PADI4: variants seen among roughly 807,000 people sequenced by gnomAD.
PADI4 encodes protein-arginine deiminase type-4.
A neutral mutation model predicts 75.0 loss-of-function variants in PADI4; 62 were observed. That is an observed-to-expected ratio of 0.83 (90% confidence interval 0.67 to 1.02). PADI4 has a LOEUF of 1.02. PADI4 is among the 50% of genes least tolerant of loss of function. PADI4 has a pLI of 0.00. For synonymous variants in PADI4, 361 were observed against 348.1 expected, an observed-to-expected ratio of 1.04 and a Z score of -0.41; for missense variants, 845 against 850.5, an observed-to-expected ratio of 0.99 and a Z score of 0.08.
rs1263485624 is a variant in PADI4, at chr1:17,308,463, C to T, written c.92+149C>T. On this transcript the variant is annotated intron_variant, in intron 1 of 15. Transcript: ENST00000375448. ...GGGGAGTAGCTGGAGAGAGAAGACC[C>T]CAGCAGCCCTGGGAAGTGCCAGTCT... The T allele has an allele frequency of 6.1e-6, 4 of 651,914 alleles. No homozygotes were observed. In the East Asian group the frequency reaches 1.1e-4, roughly 18 times the overall value. The allele number at this position is 651,914 out of a possible 1,614,324, so 40.4% of individuals were successfully genotyped here.
intron 1 of PADI4, among the ~76,000 whole-genome samples, chr1:17,316,792 C>T (rs1275505570): frequency 6.6e-6 from 1 of 152,038 alleles, no homozygotes; most frequent in Non-Finnish European, 1.5e-5. Flanking sequence ...ACCCGTCTCC[C>T]CTGCCCCGCG....
At chr1:17,336,107 G>T in intron 3 of PADI4, 52 bp from the exon 4 acceptor site, 1 of 1,311,772 alleles carries the variant, frequency 7.6e-7, no homozygotes, top group Non-Finnish European at 1.1e-6. Context: ...CAGGCTGGGT[G>T]CCCCAACCCC....
chr1:17,329,540 T>C (rs1405866729), intron 1 of PADI4, among the ~76,000 whole-genome samples: 1 of 152,076 alleles, frequency 6.6e-6, no homozygotes, highest in Non-Finnish European at 1.5e-5. Context: ...GTTCATTAAG[T>C]GGAAGTGGAT....
At chr1:17,357,940 A>C (rs2074787951) in intron 13 of PADI4, among the ~76,000 whole-genome samples, 1 of 93,464 alleles carries the variant, frequency 1.1e-5, no homozygotes, top group South Asian at 3.1e-4. Context: ...CAAAAAAAAA[A>C]AAAAAAACAA....
At chr1:17,326,775 ATTACT>A (rs1462218854) in intron 1 of PADI4, among the ~76,000 whole-genome samples, 1 of 152,106 alleles carries the variant, frequency 6.6e-6, no homozygotes, top group Admixed American at 6.6e-5. Flanking sequence ...AATCTGTATC[ATTACT>A]TAATTTTTAT....
Position 17,363,851 on chromosome 1 carries a change from T to A in PADI4, c.*96T>A. The A allele has an allele frequency of 1.2e-6, 1 of 834,750 alleles. No homozygotes were observed. The highest frequency in any genetic ancestry group is 1.9e-6 in the Non-Finnish European group (1 of 517,612). The allele number at this position is 834,750 out of a possible 1,614,324, so 51.7% of individuals were successfully genotyped here. ...AGCTCTTGTGAATATTGTGGCTCCC[T>A]GGGGGCGGCCAGCCCTCCCAGCAGT... is the stretch of plus-strand genomic sequence containing the variant. On this transcript the variant is annotated 3_prime_UTR_variant, in exon 16 of 16. Transcript: ENST00000375448.
chr1:17,349,231 T>C (rs926133506), intron 10 of PADI4, among the ~76,000 whole-genome samples: 2 of 152,236 alleles, frequency 1.3e-5, no homozygotes, highest in African/African-American at 4.8e-5. Context: ...GTTCAGTGGC[T>C]GTGTCTACTT....
intron 13 of PADI4, among the ~76,000 whole-genome samples, chr1:17,357,261 G>A (rs369453351): frequency 1.2e-4 from 18 of 152,174 alleles, no homozygotes; most frequent in South Asian, 8.3e-4. Flanking sequence ...TCTGCATCCC[G>A]GGTTCAAGTG....
intron 4 of PADI4, 72 bp downstream of exon 4, chr1:17,336,298 G>T: frequency 9.4e-7 from 1 of 1,059,452 alleles, no homozygotes; most frequent in East Asian, 2.4e-5. Context: ...TGGTGATGGG[G>T]CAAATGCTGG....
chr1:17,312,894 TTTA>T (rs2073863457), intron 1 of PADI4, among the ~76,000 whole-genome samples: 1 of 151,406 alleles, frequency 6.6e-6, no homozygotes, highest in African/African-American at 2.4e-5. Context: ...AGCTATCTTA[TTTA>T]GAAACAAAAT....
intron 1 of PADI4, among the ~76,000 whole-genome samples, chr1:17,317,768 C>A (rs900716191): frequency 2.0e-5 from 3 of 152,136 alleles, no homozygotes; most frequent in African/African-American, 7.2e-5. Context: ...CGCCTGTAAT[C>A]CCAGCACTTT....
intron 2 of PADI4, among the ~76,000 whole-genome samples, chr1:17,332,520 G>A (rs970280627): frequency 2.0e-5 from 3 of 152,166 alleles, no homozygotes; most frequent in African/African-American, 7.2e-5. Context: ...AAAGTGCTGG[G>A]ATTACAGGCA....
Position 17,336,226 on chromosome 1 carries a change from G to T in PADI4, c.408G>T (p.Gln136His). ...AGCCAACCAGAGCTGTGAAAGATCA[G>T]GTACCACTCACCCAAACGCTCCTTT... is the stretch of plus-strand genomic sequence containing the variant. ...KVKPTRAVKDQRTWTWGPCGQ... is the reference protein window; with the variant it reads ...KVKPTRAVKDHRTWTWGPCGQ... The change falls in exon 4 of 16, where the codon CAG (glutamine) becomes CAT (histidine). Residue 136 changes from glutamine to histidine, a missense_variant and splice_region_variant. By Grantham distance (24) the Gln-to-His change is conservative. Transcript: ENST00000375448. 1 of 1,612,868 alleles carries T rather than the reference G, an allele frequency of 6.2e-7. No individual in the cohort carries two copies. Among genetic ancestry groups the T allele is most frequent in the Non-Finnish European group, 8.5e-7 (1 of 1,178,860 alleles).
At chr1:17,351,901 A>C (rs951180944) in intron 10 of PADI4, among the ~76,000 whole-genome samples, 13 of 151,612 alleles carry the variant, frequency 8.6e-5, no homozygotes, top group African/African-American at 2.9e-4. Flanking sequence ...AAAGGCAGTC[A>C]GGGAGCTGAT....
intron 8 of PADI4, among the ~76,000 whole-genome samples, chr1:17,342,983 A>C (rs2074450569): frequency 6.6e-6 from 1 of 151,564 alleles, no homozygotes; most frequent in African/African-American, 2.4e-5. Flanking sequence ...TCAAAAATAA[A>C]ATAACCAGCC....
chr1:17,356,333 T>C lies in PADI4; in HGVS notation c.1456-24T>C, dbSNP rs765355771. 3.2e-6 allele frequency: 5 copies of C among 1,541,638 alleles called. No individual in the cohort carries two copies. The highest frequency in any genetic ancestry group is 8.9e-7 in the Non-Finnish European group (1 of 1,128,396). The stretch of plus-strand genomic sequence containing the variant: ...GAGCTCCAGGGGCAAAGCTGACTTC[T>C]AACCCCAGTGTTTCTGCCTCCAGGG... On this transcript the variant is annotated intron_variant, in intron 12 of 15. Coordinates refer to ENST00000375448, the MANE Select transcript of PADI4 (RefSeq NM_012387.3). The surrounding 1 kb of genome is among the most constrained non-coding windows in gnomAD (Gnocchi z 4.1).
chr1:17,342,320 T>C lies in PADI4; in HGVS notation c.853T>C (p.Phe285Leu), dbSNP rs375049753. 1.2e-6 allele frequency: 2 copies of C among 1,613,124 alleles called. No individual in the cohort carries two copies. Among genetic ancestry groups the C allele is most frequent in the Non-Finnish European group, 1.7e-6 (2 of 1,179,224 alleles). Reference protein sequence around the residue: ...SNLELPEAVVFQDSVVFRVAP... With the variant: ...SNLELPEAVVLQDSVVFRVAP... ...GCAGGAGCTCCCCGAGGCTGTGGTG[T>C]TCCAAGACAGCGTGGTCTTCCGCGT... is the stretch of plus-strand genomic sequence containing the variant. The change falls in exon 8 of 16, where the codon TTC becomes CTC. Residue 285 changes from phenylalanine to leucine, a missense_variant. By Grantham distance (22) the Phe-to-Leu change is conservative. Coordinates refer to ENST00000375448, the MANE Select transcript of PADI4 (RefSeq NM_012387.3).
rs1352655534 is a variant in PADI4, at chr1:17,336,176, G to A, written c.358G>A (p.Asp120Asn). 18 of 1,613,050 alleles carry A rather than the reference G, an allele frequency of 1.1e-5. No homozygotes were observed. The South Asian group carries it at 1.9e-4, about 17-fold the overall frequency. The change falls in exon 4 of 16, where the codon GAC (aspartate) becomes AAC (asparagine). Residue 120 changes from aspartate (D) to asparagine (N), a missense_variant. Transcript: ENST00000375448. ...LTGVEISLCA[D>N]ITRTGKVKPT... ...GATTTCAGAAATCTCCTTGTGCGCAGACATCACCCGCACCGGCAAAGTGAA... is the reference window on the plus strand; with the variant it reads ...GATTTCAGAAATCTCCTTGTGCGCAAACATCACCCGCACCGGCAAAGTGAA...
chr1:17,334,672 TATAG>T (rs761770717), intron 3 of PADI4: 2 of 452,946 alleles, frequency 4.4e-6, no homozygotes, highest in Admixed American at 2.4e-5. Context: ...TATACAAGAA[TATAG>T]ATAGTGTTCC....
Sources: allele counts gnomAD v4.1 joint callset (sites outside exome capture counted in the v4.1 genomes callset), GRCh38; gene constraint gnomAD v4.1.1; non-coding constraint Gnocchi (gnomAD v3.1); transcripts MANE v1.5; gene names NCBI Gene and HGNC (gene_info 2026-07-23, HGNC 2026-07-21).